GC: variants seen among roughly 807,000 people sequenced by gnomAD.
GC encodes the protein vitamin D-binding protein.
Under a neutral mutation model 56.7 loss-of-function variants are expected in GC, and 43 were observed. The observed-to-expected ratio is 0.76, with a 90% CI of 0.59 to 0.98. The LOEUF is 0.98. GC is among the 50% of genes least tolerant of loss of function. The pLI is 0.00. For synonymous variants in GC, 216 were observed against 202.7 expected, an observed-to-expected ratio of 1.07 and a Z score of -0.56; for missense variants, 529 against 545.9, an observed-to-expected ratio of 0.97 and a Z score of 0.31.
At chr4:71,794,017 T>C (rs1367380957) in intron 1 of GC, among the ~76,000 whole-genome samples, 1 of 152,212 alleles carries the variant, frequency 6.6e-6, no homozygotes, top group Non-Finnish European at 1.5e-5. Context: ...AGCTTGATCA[T>C]GCTGGATAAG....
intron 6 of GC, among the ~76,000 whole-genome samples, chr4:71,760,188 C>T (rs1472464419): frequency 2.0e-5 from 3 of 151,270 alleles, no homozygotes; most frequent in South Asian, 2.1e-4. Context: ...GGACTATAGG[C>T]GCCCACCACC....
chr4:71,763,367 G>T, intron 6 of GC, 41 bp downstream of exon 6: 3 of 1,062,902 alleles, frequency 2.8e-6, no homozygotes, highest in Non-Finnish European at 4.4e-6. Flanking sequence ...AGACAGTGCA[G>T]AACCAAACAT....
chr4:71,804,281 T>G (rs182318919), upstream of GC, among the ~76,000 whole-genome samples: 1 of 152,160 alleles, frequency 6.6e-6, no homozygotes, highest in Non-Finnish European at 1.5e-5. Context: ...TGGAGCTGCT[T>G]GCTTTTATTC....
chr4:71,774,225 C>T lies in GC; in HGVS notation c.59-4825G>A, dbSNP rs527964608. ...GATGATATCAGTGCAACAAATTGAG[C>T]GTCCTTTCAGACTTTGAAAATTCAA... On this transcript the variant is annotated intron_variant, in intron 1 of 12. Coordinates refer to ENST00000273951, the MANE Select transcript of GC (RefSeq NM_000583.4). 4.6e-5 allele frequency among the ~76,000 whole-genome samples: 7 copies of T among 152,124 alleles called. No homozygotes were observed. The South Asian group carries it at 8.3e-4, about 18-fold the overall frequency.
chr4:71,804,248 C>T (rs1435715597), upstream of GC, among the ~76,000 whole-genome samples: 2 of 152,168 alleles, frequency 1.3e-5, no homozygotes, highest in Non-Finnish European at 2.9e-5. Context: ...GCTGGACCAG[C>T]TGTAATCAAA....
chr4:71,802,793 C>T (rs1179223108), intron 1 of GC, among the ~76,000 whole-genome samples: 18 of 152,164 alleles, frequency 1.2e-4, no homozygotes, highest in Admixed American at 1.1e-3. Flanking sequence ...TGCTTTTCAA[C>T]TTACAATGGG....
At chr4:71,745,709 A>G (rs1451367294) in intron 12 of GC, among the ~76,000 whole-genome samples, 2 of 152,156 alleles carry the variant, frequency 1.3e-5, no homozygotes, top group Non-Finnish European at 2.9e-5. Context: ...AAATATAGTG[A>G]CTGAAAAAAG....
intron 1 of GC, among the ~76,000 whole-genome samples, chr4:71,794,239 T>A (rs1048468056): frequency 6.6e-6 from 1 of 152,226 alleles, no homozygotes; most frequent in Non-Finnish European, 1.5e-5. Flanking sequence ...TGGTACCAGC[T>A]CCTCTTTGTA....
Position 71,784,052 on chromosome 4 carries a change from C to A in GC, c.-34G>T, listed in dbSNP as rs1302702341. 3 of 1,590,208 alleles carry A rather than the reference C, an allele frequency of 1.9e-6. No homozygotes were observed. Among genetic ancestry groups the A allele is most frequent in the African/African-American group, 2.7e-5 (2 of 73,884 alleles). ...CAGAGAGTCTTGCAGCACCTCCTCT[C>A]TCCTGTAGGTGACCATGTAAAAGTG... On this transcript the variant is annotated 5_prime_UTR_variant, in exon 1 of 13. Transcript: ENST00000273951.
At chr4:71,804,038 C>T (rs1167599887) in exon 1 of GC, 3 of 825,602 alleles carry the variant, frequency 3.6e-6, no homozygotes, top group East Asian at 2.6e-5. Context: ...TTTGAAAAAA[C>T]AGTGAAAAGA....
intron 1 of GC, among the ~76,000 whole-genome samples, chr4:71,793,583 C>T (rs768781071): frequency 4.6e-5 from 7 of 152,172 alleles, no homozygotes; most frequent in Non-Finnish European, 8.8e-5. Flanking sequence ...TCTAAATATA[C>T]AATCATGTCA....
At chr4:71,792,055 C>A (rs972755967) in intron 1 of GC, among the ~76,000 whole-genome samples, 1 of 152,134 alleles carries the variant, frequency 6.6e-6, no homozygotes. Context: ...TTTCTTAAAC[C>A]AGTCTATCAT....
At chr4:71,766,998 T>C (rs1742177900) in intron 3 of GC, among the ~76,000 whole-genome samples, 1 of 152,154 alleles carries the variant, frequency 6.6e-6, no homozygotes, top group African/African-American at 2.4e-5. Context: ...TTAGCAAATA[T>C]ATGAAATAAA....
chr4:71,743,921 TG>T (rs1741265559), intron 12 of GC, among the ~76,000 whole-genome samples: 1 of 152,204 alleles, frequency 6.6e-6, no homozygotes, highest in Non-Finnish European at 1.5e-5. Context: ...TCCATCCAGA[TG>T]ATCAAAATGT....
rs1560702160 is a variant in GC at position 71,769,377 on chromosome 4, C to A, written c.82G>T (p.Val28Phe). Reference protein sequence around the residue: ...ERGRDYEKNKVCKEFSHLGKE... With the variant: ...ERGRDYEKNKFCKEFSHLGKE... ...CCCAGATGGGAGAATTCCTTGCAGA[C>A]TTTATTCTTTTCATAATCCCGGCCT... The change falls in exon 2 of 13, where the codon GTC (valine) becomes TTC (phenylalanine). Residue 28 changes from valine to phenylalanine, a missense_variant. Val to Phe is a conservative substitution (Grantham distance 50). Transcript: ENST00000273951. 1 of 1,612,902 alleles carries A rather than the reference C, an allele frequency of 6.2e-7. No individual in the cohort carries two copies. Among genetic ancestry groups the A allele is most frequent in the Non-Finnish European group, 8.5e-7 (1 of 1,179,076 alleles).
intron 12 of GC, among the ~76,000 whole-genome samples, chr4:71,745,125 C>G (rs1328411232): frequency 6.6e-6 from 1 of 152,148 alleles, no homozygotes; most frequent in African/African-American, 2.4e-5. Context: ...TCACCTCAAT[C>G]ATTGTAACAA....
chr4:71,764,837 A>G (rs1413677623), intron 4 of GC, among the ~76,000 whole-genome samples: 1 of 152,066 alleles, frequency 6.6e-6, no homozygotes, highest in Non-Finnish European at 1.5e-5. Flanking sequence ...TAATAAATGT[A>G]TTTTCCCCCA....
chr4:71,792,169 G>A (rs1560713675), intron 1 of GC, among the ~76,000 whole-genome samples: 1 of 152,052 alleles, frequency 6.6e-6, no homozygotes, highest in Non-Finnish European at 1.5e-5. Context: ...ATAATCCTTT[G>A]GGTATATACC....
chr4:71,793,324 T>C (rs1743015688), intron 1 of GC, among the ~76,000 whole-genome samples: 2 of 152,202 alleles, frequency 1.3e-5, no homozygotes, highest in Admixed American at 1.3e-4. Context: ...GTTTGTGTCC[T>C]CTTATTTTGT....
Sources: allele counts gnomAD v4.1 joint callset (sites outside exome capture counted in the v4.1 genomes callset), GRCh38; gene constraint gnomAD v4.1.1; transcripts MANE v1.5; gene names NCBI Gene and HGNC (gene_info 2026-07-23, HGNC 2026-07-21).